RELN: variants seen among roughly 807,000 people sequenced by gnomAD.
RELN encodes reelin.
In RELN, 108 loss-of-function variants were observed where a neutral mutation model predicts 427.6. That is an observed-to-expected ratio of 0.25 (90% CI 0.22 to 0.30). The LOEUF is 0.30. Ranked by LOEUF, RELN falls within the 10% of genes least tolerant of loss-of-function variation. The pLI, the probability that RELN is intolerant of heterozygous loss-of-function variation, is 1.00. For synonymous variants in RELN, 1,524 were observed against 1,513.4 expected (o/e 1.01, Z -0.16); for missense variants, 3,715 against 4,302.8 (o/e 0.86, Z 3.82).
At chr7:103,595,971 A>C (rs1404928929) in intron 25 of RELN, among the ~76,000 whole-genome samples, 2 of 152,184 alleles carry the variant, frequency 1.3e-5, no homozygotes, top group Admixed American at 1.3e-4. Context: ...TAAGACAGGG[A>C]TAGGCCAGGG....
chr7:103,490,466 C>T lies in RELN; in HGVS notation c.9605+202G>A, dbSNP rs114255271. ...GATCTCTGAATCATTTACAGACACACTCCAATTTCCTCCTGGAACATGCAG... is the reference window on the plus strand; with the variant it reads ...GATCTCTGAATCATTTACAGACACATTCCAATTTCCTCCTGGAACATGCAG... On this transcript the variant is annotated intron_variant, in intron 59 of 64. Coordinates refer to ENST00000428762, the MANE Select transcript of RELN (RefSeq NM_005045.4). 0.012 allele frequency among the ~76,000 whole-genome samples: 1,797 copies of T among 152,254 alleles called. 37 individuals carry two copies. Among genetic ancestry groups the T allele is most frequent in the African/African-American group, 0.04 (1,655 of 41,536 alleles).
At chr7:103,693,854 C>T (rs1048484644) in intron 10 of RELN, among the ~76,000 whole-genome samples, 7 of 152,132 alleles carry the variant, frequency 4.6e-5, no homozygotes, top group African/African-American at 1.4e-4. Flanking sequence ...TCCAAGGCCC[C>T]TACTCTATTT....
chr7:103,790,152 G>C (rs1369991832), intron 3 of RELN, among the ~76,000 whole-genome samples: 1 of 152,148 alleles, frequency 6.6e-6, no homozygotes, highest in Admixed American at 6.5e-5. Flanking sequence ...CATGCCCACA[G>C]GGAGGGGAAC....
chr7:103,971,756 GA>G (rs1390877067), intron 1 of RELN, among the ~76,000 whole-genome samples: 1 of 152,100 alleles, frequency 6.6e-6, no homozygotes, highest in East Asian at 1.9e-4. Flanking sequence ...GAGCATCACT[GA>G]ATAAATAATA....
chr7:103,911,090 T>C (rs1795354178), intron 2 of RELN, among the ~76,000 whole-genome samples: 1 of 144,242 alleles, frequency 6.9e-6, no homozygotes, highest in Non-Finnish European at 1.5e-5. Context: ...GAGAAAATTT[T>C]CACAACCTAC....
intron 28 of RELN, among the ~76,000 whole-genome samples, chr7:103,578,846 A>T (rs1411887425): frequency 6.6e-6 from 1 of 152,230 alleles, no homozygotes; most frequent in Admixed American, 6.5e-5. Context: ...ATTTGTGCAC[A>T]TGTTCTAACC....
Position 103,593,672 on chromosome 7 carries a change from G to A in RELN, c.3912+10C>T, listed in dbSNP as rs956475655. ...TAACTTGCTCTGGGAAGAAGCTTGT[G>A]CATAAATACCTTGAACTGTAGCACA... is the stretch of plus-strand genomic sequence containing the variant. On this transcript the variant is annotated intron_variant, in intron 27 of 64. Coordinates refer to ENST00000428762, the MANE Select transcript of RELN (RefSeq NM_005045.4). 6 of 1,608,332 alleles carry A rather than the reference G, an allele frequency of 3.7e-6. No homozygotes were observed. The highest frequency in any genetic ancestry group is 2.2e-5 in the South Asian group (2 of 90,974).
Position 103,610,737 on chromosome 7 carries a change from G to T in RELN, c.2966C>A (p.Thr989Lys). ...SASIYHASEF[T>K]QWRRVIVLLP... is the part of the protein sequence containing the mutation. The stretch of plus-strand genomic sequence containing the variant: ...AAGCACTATGACTCTCCTCCACTGT[G>T]TAAACTCACTGGCATGGTAAATACT... Residue 989 changes from threonine (T) to lysine (K), a missense_variant, in exon 22 of 65, where the codon ACA becomes AAA. Physicochemically the swap from Thr to Lys is moderately conservative, Grantham distance 78. Transcript: ENST00000428762. 1.2e-6 allele frequency: 2 copies of T among 1,610,566 alleles called. No homozygotes were observed. The highest frequency in any genetic ancestry group is 1.3e-5 in the African/African-American group (1 of 74,926).
rs757750180 is a variant in RELN, at chr7:103,630,167, G to A, written c.2475C>T (p.Ser825=). The A allele has an allele frequency of 2.3e-5, 37 of 1,607,076 alleles. No individual in the cohort carries two copies. Among genetic ancestry groups the A allele is most frequent in the Non-Finnish European group, 3.1e-5 (36 of 1,174,590 alleles). ...YLSYHEPRII[S]VELPGDAKQF... ...GCTTTGCATCACCTGGTAGTTCTAC[G>A]GAGATTATTCTAGAGAAAAAAAAAA... Residue 825 remains serine, a synonymous_variant, in exon 20 of 65, where the codon TCC becomes TCT. Coordinates refer to ENST00000428762, the MANE Select transcript of RELN (RefSeq NM_005045.4).
intron 2 of RELN, among the ~76,000 whole-genome samples, chr7:103,851,487 A>C (rs962580583): frequency 7.9e-5 from 12 of 151,428 alleles, no homozygotes; most frequent in African/African-American, 2.9e-4. Flanking sequence ...TTATGGAAAA[A>C]TAAATAAATC....
chr7:103,955,680 G>GT (rs1302440523), intron 1 of RELN, among the ~76,000 whole-genome samples: 2 of 152,154 alleles, frequency 1.3e-5, no homozygotes, highest in African/African-American at 4.8e-5. Flanking sequence ...GTTGGGCACT[G>GT]TAAGGCCCCG....
chr7:103,475,340 C>G (rs181336069), intron 64 of RELN, among the ~76,000 whole-genome samples: 81 of 152,240 alleles, frequency 5.3e-4, no homozygotes, highest in Admixed American at 2.1e-3. Flanking sequence ...CAACTCCCCC[C>G]ACCCCCGCAC....
chr7:103,776,706 GCTTATT>G lies in RELN; in HGVS notation c.474-85_474-80del, dbSNP rs886633772. ...ATGTATGTTTAAAACTTTTTAAAAA[GCTTATT>G]CTTAAACTTTATTGTGTGGATATGA... On this transcript the variant is annotated intron_variant, in intron 3 of 64. Transcript: ENST00000428762. 22 of 1,392,716 alleles carry G rather than the reference GCTTATT, an allele frequency of 1.6e-5. 2 individuals carry two copies. The Admixed American group carries it at 2.4e-4, about 15-fold the overall frequency. The allele number at this position is 1,392,716 out of a possible 1,614,324, so 86.3% of individuals were successfully genotyped here.
chr7:103,528,754 C>G (rs930174169), intron 46 of RELN, among the ~76,000 whole-genome samples: 4 of 149,280 alleles, frequency 2.7e-5, no homozygotes, highest in Admixed American at 2.7e-4. Context: ...GTCTTGAACT[C>G]ATGACTTGAG....
chr7:103,664,614 T>C (rs1833217176), intron 11 of RELN, among the ~76,000 whole-genome samples: 1 of 152,172 alleles, frequency 6.6e-6, no homozygotes, highest in South Asian at 2.1e-4. Flanking sequence ...GGGTAGAAGG[T>C]TCCTGTTTCC....
intron 11 of RELN, among the ~76,000 whole-genome samples, chr7:103,672,708 A>G (rs1274064924): frequency 1.3e-5 from 2 of 152,034 alleles, no homozygotes; most frequent in African/African-American, 2.4e-5. Flanking sequence ...TGGCTATTTA[A>G]CTTTGTGTTT....
chr7:103,511,769 A>G (rs1422498441), intron 50 of RELN, among the ~76,000 whole-genome samples: 3 of 152,136 alleles, frequency 2.0e-5, no homozygotes, highest in African/African-American at 7.2e-5. Context: ...GCTTGAGTCC[A>G]GGAGTTCAGG....
chr7:103,709,296 G>A (rs752353086), intron 8 of RELN, among the ~76,000 whole-genome samples: 4 of 152,060 alleles, frequency 2.6e-5, no homozygotes, highest in Non-Finnish European at 4.4e-5. Context: ...AACATCACAT[G>A]GTTCTGCCAA....
intron 46 of RELN, among the ~76,000 whole-genome samples, chr7:103,532,920 A>G (rs1157598029): frequency 6.6e-6 from 1 of 152,180 alleles, no homozygotes; most frequent in East Asian, 1.9e-4. Flanking sequence ...TTTCTGGCCA[A>G]TACTCCTCTC....
Sources: allele counts gnomAD v4.1 joint callset (sites outside exome capture counted in the v4.1 genomes callset), GRCh38; gene constraint gnomAD v4.1.1; transcripts MANE v1.5; gene names NCBI Gene and HGNC (gene_info 2026-07-23, HGNC 2026-07-21).